Variants in PTPRD observed in about 807,000 individuals in gnomAD.
PTPRD encodes receptor-type tyrosine-protein phosphatase delta.
Under a neutral mutation model 214.5 loss-of-function variants are expected in PTPRD, and 34 were observed. That is an observed-to-expected ratio of 0.16 (90% CI 0.12 to 0.21). PTPRD has a LOEUF of 0.21. Ranked by LOEUF, PTPRD falls within the 10% of genes least tolerant of loss-of-function variation. The probability of loss-of-function intolerance (pLI) is 1.00; values close to 1 mark genes in which losing one functional copy is unlikely to be tolerated. For synonymous variants in PTPRD, 1,128 were observed against 845.7 expected (o/e 1.33, Z -5.79); for missense variants, 2,545 against 2,398.7 (o/e 1.06, Z -1.27).
At chr9:10,552,912 A>G (rs954743068) in intron 2 of PTPRD, among the ~76,000 whole-genome samples, 1 of 152,178 alleles carries the variant, frequency 6.6e-6, no homozygotes, top group African/African-American at 2.4e-5. Context: ...AATAGATACA[A>G]TCCAGTTTCT....
intron 7 of PTPRD, among the ~76,000 whole-genome samples, chr9:9,657,450 T>G (rs955946795): frequency 2.0e-5 from 3 of 152,024 alleles, no homozygotes; most frequent in Admixed American, 2.0e-4. Context: ...CGGGGGCCTG[T>G]CGAGGGTTGG....
At chr9:8,776,840 T>C (rs1032335677) in intron 11 of PTPRD, among the ~76,000 whole-genome samples, 21 of 147,490 alleles carry the variant, frequency 1.4e-4, no homozygotes, top group Non-Finnish European at 1.6e-4. Flanking sequence ...ACATAATACA[T>C]AGGTATAATA....
chr9:9,140,690 T>C (rs1233825461), intron 10 of PTPRD, among the ~76,000 whole-genome samples: 1 of 152,252 alleles, frequency 6.6e-6, no homozygotes, highest in Non-Finnish European at 1.5e-5. Flanking sequence ...GCCATTCTCC[T>C]GCCTCAGCCT....
intron 2 of PTPRD, among the ~76,000 whole-genome samples, chr9:10,607,232 T>C (rs1381095597): frequency 6.6e-6 from 1 of 151,898 alleles, no homozygotes; most frequent in Admixed American, 6.6e-5. Context: ...TATTATAATA[T>C]AGTATTTAGA....
At chr9:9,324,054 G>C (rs1299431263) in intron 9 of PTPRD, among the ~76,000 whole-genome samples, 1 of 152,136 alleles carries the variant, frequency 6.6e-6, no homozygotes, top group Non-Finnish European at 1.5e-5. Context: ...ATTCCATGTA[G>C]TATATGTGCC....
chr9:9,097,725 G>A (rs971913150), intron 10 of PTPRD, among the ~76,000 whole-genome samples: 1 of 152,104 alleles, frequency 6.6e-6, no homozygotes, highest in African/African-American at 2.4e-5. Context: ...CTCTCTGAAG[G>A]AAATTGTTGG....
At chr9:8,789,426 T>C (rs1230201030) in intron 11 of PTPRD, among the ~76,000 whole-genome samples, 1 of 152,210 alleles carries the variant, frequency 6.6e-6, no homozygotes, top group African/African-American at 2.4e-5. Context: ...CCCACTGACC[T>C]GCTCTGTAGA....
intron 37 of PTPRD, among the ~76,000 whole-genome samples, chr9:8,384,667 C>T (rs1213087132): frequency 1.1e-4 from 17 of 152,150 alleles, no homozygotes; most frequent in Admixed American, 1.1e-3. Flanking sequence ...GCTGGGATTA[C>T]AGGCGTGTGC....
rs1376962662 is a variant in PTPRD at position 9,932,174 on chromosome 9, C to T, written c.-368+6333G>A. On this transcript the variant is annotated intron_variant, in intron 5 of 45. Coordinates refer to ENST00000381196, the MANE Select transcript of PTPRD (RefSeq NM_002839.4). ...AAACTCTAAAATGCAGAGTGCCTCT[C>T]CTCCTCCAAAGGAACGCAGTTCCTC... Among the ~76,000 whole-genome samples, 8 of 150,190 alleles carry T rather than the reference C, an allele frequency of 5.3e-5. No individual in the cohort carries two copies. In the East Asian group the frequency reaches 1.4e-3, roughly 25 times the overall value.
chr9:8,380,570 G>A (rs1002764852), intron 37 of PTPRD, among the ~76,000 whole-genome samples: 7 of 152,014 alleles, frequency 4.6e-5, no homozygotes, highest in African/African-American at 9.7e-5. Context: ...CTATAATTAC[G>A]GAAAGAACAG....
At chr9:10,422,981 T>C (rs1323252769) in intron 2 of PTPRD, among the ~76,000 whole-genome samples, 1 of 152,128 alleles carries the variant, frequency 6.6e-6, no homozygotes, top group Non-Finnish European at 1.5e-5. Context: ...TTATAAATCA[T>C]GCCACTATAA....
chr9:10,176,607 T>A (rs2099250085), intron 3 of PTPRD, among the ~76,000 whole-genome samples: 1 of 152,004 alleles, frequency 6.6e-6, no homozygotes, highest in Admixed American at 6.6e-5. Context: ...CAAAGGTTCT[T>A]TTCAAGCACA....
chr9:8,547,723 G>A (rs1361384605), intron 14 of PTPRD, among the ~76,000 whole-genome samples: 1 of 150,468 alleles, frequency 6.6e-6, no homozygotes, highest in Non-Finnish European at 1.5e-5. Context: ...TCCAATATCA[G>A]CCCATGATAA....
At chr9:9,485,114 A>T (rs899927064) in intron 8 of PTPRD, among the ~76,000 whole-genome samples, 1 of 152,182 alleles carries the variant, frequency 6.6e-6, no homozygotes, top group Non-Finnish European at 1.5e-5. Context: ...AAATGTGTCA[A>T]ACAGCTGTCG....
intron 9 of PTPRD, among the ~76,000 whole-genome samples, chr9:9,223,285 T>A (rs1357367988): frequency 6.6e-6 from 1 of 151,920 alleles, no homozygotes; most frequent in Non-Finnish European, 1.5e-5. Context: ...ATGTCTAATC[T>A]CTCAGAAGTG....
chr9:9,913,506 T>C (rs746193330), intron 5 of PTPRD, among the ~76,000 whole-genome samples: 11 of 152,066 alleles, frequency 7.2e-5, no homozygotes, highest in Admixed American at 1.3e-4. Context: ...ACAGCTAAGA[T>C]TGGACTGGAG....
intron 10 of PTPRD, among the ~76,000 whole-genome samples, chr9:9,065,430 G>A (rs559297575): frequency 7.2e-5 from 11 of 152,256 alleles, no homozygotes; most frequent in Admixed American, 2.6e-4. Flanking sequence ...CATGTGTGAG[G>A]AACACCAAGG....
intron 10 of PTPRD, among the ~76,000 whole-genome samples, chr9:9,171,346 T>C (rs1489703132): frequency 1.3e-5 from 2 of 149,436 alleles, no homozygotes; most frequent in East Asian, 3.9e-4. Flanking sequence ...TTATATTATA[T>C]ATAAATATAA....
intron 7 of PTPRD, among the ~76,000 whole-genome samples, chr9:9,722,082 T>C (rs1195258414): frequency 6.6e-6 from 1 of 152,082 alleles, no homozygotes; most frequent in Non-Finnish European, 1.5e-5. Flanking sequence ...ATCACTTTAT[T>C]AAGATATATT....
Sources: allele counts gnomAD v4.1 joint callset (sites outside exome capture counted in the v4.1 genomes callset), GRCh38; gene constraint gnomAD v4.1.1; transcripts MANE v1.5; gene names NCBI Gene and HGNC (gene_info 2026-07-23, HGNC 2026-07-21).